TARBP1: variants seen among roughly 807,000 people sequenced by gnomAD.
TARBP1 encodes the protein tRNA (guanosine(18)-2'-O)-methyltransferase TARBP1.
TARBP1 carries 144 observed loss-of-function variants against 178.6 expected under a neutral mutation model. The ratio of observed to expected loss-of-function variants is 0.81; its 90% confidence interval spans 0.70 to 0.93. The LOEUF is 0.93. TARBP1 is among the 40% of genes least tolerant of loss of function. The probability of loss-of-function intolerance (pLI) is 0.00; values close to 1 mark genes in which losing one functional copy is unlikely to be tolerated. For missense variants in TARBP1, 2,067 were observed against 2,011.7 expected (o/e 1.03, Z -0.53); for synonymous variants, 787 against 781.0 (o/e 1.01, Z -0.13).
At position 234,425,043 on chromosome 1, in the gene TARBP1, A is replaced by G. The variant is rs1005258906; in HGVS notation, c.3444+630T>C. Among the ~76,000 whole-genome samples, 3 of 150,372 alleles carry G rather than the reference A, an allele frequency of 2.0e-5. No individual in the cohort carries two copies. The Admixed American group carries it at 2.0e-4, about 10-fold the overall frequency. On this transcript the variant is annotated intron_variant, in intron 20 of 29. Coordinates refer to ENST00000040877, the MANE Select transcript of TARBP1 (RefSeq NM_005646.4). ...ACCTTCGCACTCCAGCCTGGACAAC[A>G]AGAGCGAAACTCCGTCTCAAAAAAA...
chr1:234,462,992 T>C (rs981155832), intron 6 of TARBP1, among the ~76,000 whole-genome samples: 1 of 152,236 alleles, frequency 6.6e-6, no homozygotes, highest in African/African-American at 2.4e-5. Flanking sequence ...GTCCTGCTGC[T>C]GCTCAGCAAA....
At chr1:234,444,638 C>CT (rs951025610) in intron 12 of TARBP1, among the ~76,000 whole-genome samples, 30 of 152,128 alleles carry the variant, frequency 2.0e-4, no homozygotes, top group African/African-American at 6.5e-4. Context: ...TGCTTATACC[C>CT]TGTCCTCACA....
chr1:234,405,878 G>A (rs770518989), intron 24 of TARBP1, 25 bp downstream of exon 24: 12 of 1,604,466 alleles, frequency 7.5e-6, no homozygotes, highest in East Asian at 4.5e-5. Context: ...GAGTGAGGGC[G>A]ATGAGGTTGA....
intron 22 of TARBP1, among the ~76,000 whole-genome samples, chr1:234,416,140 G>A (rs1264059774): frequency 6.6e-6 from 1 of 152,182 alleles, no homozygotes; most frequent in Non-Finnish European, 1.5e-5. Flanking sequence ...TGCCCTTTGT[G>A]AGAATTCCTG....
chr1:234,474,803 T>C (rs915260111), intron 1 of TARBP1, among the ~76,000 whole-genome samples: 2 of 152,106 alleles, frequency 1.3e-5, no homozygotes, highest in Non-Finnish European at 2.9e-5. Context: ...CATTAGGACA[T>C]AGAAAACCAT....
rs35976593 is a variant in TARBP1, at chr1:234,474,245, A to AACACACACACAC, written c.932-1446_932-1435dup. ...GGCAAGAGCGAGGATTTGTCTCTAA[A>AACACACACACAC]ACACACACACACACACACACACACA... On this transcript the variant is annotated intron_variant, in intron 1 of 29. Coordinates refer to ENST00000040877, the MANE Select transcript of TARBP1 (RefSeq NM_005646.4). Among the ~76,000 whole-genome samples the AACACACACACAC allele has an allele frequency of 9.8e-4, 80 of 81,582 alleles. No individual in the cohort carries two copies. In the East Asian group the frequency reaches 0.012, roughly 12 times the overall value. The allele number at this position is 81,582 out of a possible 152,430, so 53.5% of individuals were successfully genotyped here.
chr1:234,455,445 C>G (rs1667176749), intron 9 of TARBP1, among the ~76,000 whole-genome samples: 1 of 152,160 alleles, frequency 6.6e-6, no homozygotes, highest in African/African-American at 2.4e-5. Flanking sequence ...ATGGTACAAC[C>G]ACCAGATGGA....
chr1:234,423,821 C>T (rs1663392292), intron 20 of TARBP1, among the ~76,000 whole-genome samples: 1 of 151,452 alleles, frequency 6.6e-6, no homozygotes, highest in Non-Finnish European at 1.5e-5. Flanking sequence ...AACTACTGAC[C>T]TCAAGCAATC....
intron 25 of TARBP1, among the ~76,000 whole-genome samples, chr1:234,398,836 G>GT (rs1457080711): frequency 1.3e-5 from 2 of 152,130 alleles, no homozygotes; most frequent in East Asian, 3.9e-4. Flanking sequence ...TAAAAACAGT[G>GT]TTTCAGAAGT....
At chr1:234,469,862 T>A (rs1668865235) in intron 3 of TARBP1, among the ~76,000 whole-genome samples, 1 of 152,216 alleles carries the variant, frequency 6.6e-6, no homozygotes, top group East Asian at 1.9e-4. Flanking sequence ...GAATTTTCTC[T>A]TCCTAAGAAG....
At chr1:234,408,343 C>T (rs2103059399) in intron 23 of TARBP1, among the ~76,000 whole-genome samples, 1 of 152,220 alleles carries the variant, frequency 6.6e-6, no homozygotes, top group Admixed American at 6.5e-5. Flanking sequence ...CTTGTTCATT[C>T]CTGGGTGTAG....
At chr1:234,444,719 A>G (rs1665974179) in intron 12 of TARBP1, among the ~76,000 whole-genome samples, 1 of 152,044 alleles carries the variant, frequency 6.6e-6, no homozygotes, top group Non-Finnish European at 1.5e-5. Context: ...ATAAATTAGA[A>G]AAGAACTTCT....
chr1:234,468,302 A>G (rs115754162), intron 3 of TARBP1, among the ~76,000 whole-genome samples: 4,090 of 152,168 alleles, frequency 0.027, 76 homozygotes, highest in South Asian at 0.08. Flanking sequence ...AAAAACACAG[A>G]AATCAGCCAG....
Position 234,437,473 on chromosome 1 carries a change from A to G in TARBP1, c.2135-101T>C, listed in dbSNP as rs1665149645. On this transcript the variant is annotated intron_variant, in intron 12 of 29. Transcript: ENST00000040877. Reference sequence around the variant, plus strand: ...ATGTACAACTGGGCTAAGCACGTGAATCACTTGCCAAAAATAAATTGCAAT... The same window carrying G: ...ATGTACAACTGGGCTAAGCACGTGAGTCACTTGCCAAAAATAAATTGCAAT... The G allele has an allele frequency of 2.2e-5, 12 of 551,530 alleles. No homozygotes were observed. In the South Asian group the frequency reaches 3.9e-4, roughly 18 times the overall value. 34.2% of individuals were successfully genotyped at this position (551,530 alleles called of 1,614,324 possible).
At position 234,479,059 on chromosome 1, in the gene TARBP1, G is replaced by T; in HGVS notation, c.45C>A (p.Asp15Glu). The change falls in exon 1 of 30, where the codon GAC becomes GAA. Residue 15 changes from aspartate (D) to glutamate (E), a missense_variant. Coordinates refer to ENST00000040877, the MANE Select transcript of TARBP1 (RefSeq NM_005646.4). ...ACAGCGCCCCAAGCAGGGCCCGGGG[G>T]TCCCGGCTCTGCGAGAGCAGCGCTT... ...LAEALLSQSRDPRALLGALCQ... is the reference protein window; with the variant it reads ...LAEALLSQSREPRALLGALCQ... 1.9e-6 allele frequency: 3 copies of T among 1,539,712 alleles called. No individual in the cohort carries two copies. Among genetic ancestry groups the T allele is most frequent in the Non-Finnish European group, 1.7e-6 (2 of 1,156,238 alleles).
intron 26 of TARBP1, among the ~76,000 whole-genome samples, chr1:234,395,085 A>G (rs1444831274): frequency 6.6e-6 from 1 of 152,054 alleles, no homozygotes; most frequent in East Asian, 1.9e-4. Context: ...TTAGCCAGGC[A>G]TGGTGGTAGA....
chr1:234,448,588 A>T lies in TARBP1; in HGVS notation c.1862-9T>A, dbSNP rs1306292472. 6.2e-7 allele frequency: 1 copy of T among 1,611,322 alleles called. No homozygotes were observed. Among genetic ancestry groups the T allele is most frequent in the Non-Finnish European group, 8.5e-7 (1 of 1,177,812 alleles). On this transcript the variant is annotated splice_polypyrimidine_tract_variant and intron_variant, in intron 10 of 29. Coordinates refer to ENST00000040877, the MANE Select transcript of TARBP1 (RefSeq NM_005646.4). ...AAAGCAGTTTTCTCCTGCTTAAATA[A>T]CAACAGTTAAGGTTTGCAAAGCATT...
intron 12 of TARBP1, among the ~76,000 whole-genome samples, chr1:234,442,826 C>A (rs1171393402): frequency 6.6e-6 from 1 of 152,198 alleles, no homozygotes; most frequent in African/African-American, 2.4e-5. Flanking sequence ...TAGCTGCCTT[C>A]AAGGTATCCA....
intron 12 of TARBP1, among the ~76,000 whole-genome samples, 163 bp downstream of exon 12, chr1:234,446,640 A>G (rs1666197792): frequency 2.0e-5 from 3 of 149,450 alleles, no homozygotes; most frequent in South Asian, 2.1e-4. Context: ...CTTAAATTAT[A>G]TAATTTCTTA....
Sources: allele counts gnomAD v4.1 joint callset (sites outside exome capture counted in the v4.1 genomes callset), GRCh38; gene constraint gnomAD v4.1.1; transcripts MANE v1.5; gene names NCBI Gene and HGNC (gene_info 2026-07-23, HGNC 2026-07-21).